Variants in UACA observed in about 807,000 individuals in gnomAD.
UACA encodes the protein nuclear membrane binding protein.
Under a neutral mutation model 160.5 loss-of-function variants are expected in UACA, and 112 were observed. That is an observed-to-expected ratio of 0.70 (90% CI 0.60 to 0.82). The LOEUF is 0.82. UACA is among the 40% of genes least tolerant of loss of function. The pLI is 0.00. For missense variants in UACA, 1,574 were observed against 1,614.6 expected (o/e 0.97, Z 0.43); for synonymous variants, 557 against 568.4 (o/e 0.98, Z 0.29).
At chr15:70,683,631 C>T (rs772825849) in intron 8 of UACA, among the ~76,000 whole-genome samples, 17 of 151,986 alleles carry the variant, frequency 1.1e-4, no homozygotes, top group Non-Finnish European at 2.2e-4. Context: ...GAATCTCATA[C>T]ACCAACAAAA....
chr15:70,714,019 T>C (rs887118257), intron 1 of UACA, among the ~76,000 whole-genome samples: 1 of 152,146 alleles, frequency 6.6e-6, no homozygotes, highest in Non-Finnish European at 1.5e-5. Context: ...CTAAACATCA[T>C]TGATGTTTAG....
chr15:70,664,832 A>T lies in UACA; in HGVS notation c.3961-18T>A. 6.2e-7 allele frequency: 1 copy of T among 1,603,144 alleles called. No individual in the cohort carries two copies. Among genetic ancestry groups the T allele is most frequent in the East Asian group, 2.2e-5 (1 of 44,698 alleles). On this transcript the variant is annotated intron_variant, in intron 16 of 18. Transcript: ENST00000322954. ...TCAGTTATCTTTAAAAAAATGTTGT[A>T]GGAGAAATATATTATTCACTTATCA...
At chr15:70,721,030 G>T (rs577561988) in intron 1 of UACA, among the ~76,000 whole-genome samples, 1 of 152,302 alleles carries the variant, frequency 6.6e-6, no homozygotes, top group African/African-American at 2.4e-5. Context: ...AAGCCTACAT[G>T]TGCCATAATG....
At chr15:70,719,903 T>C (rs1484404532) in intron 1 of UACA, among the ~76,000 whole-genome samples, 1 of 152,230 alleles carries the variant, frequency 6.6e-6, no homozygotes, top group Non-Finnish European at 1.5e-5. Flanking sequence ...ACAATTGTTA[T>C]GTGCTTCCTT....
At chr15:70,708,364 C>T (rs1285776306) in intron 1 of UACA, among the ~76,000 whole-genome samples, 2 of 151,946 alleles carry the variant, frequency 1.3e-5, no homozygotes, top group Non-Finnish European at 2.9e-5. Flanking sequence ...TGTGAACATA[C>T]TTAACACATG....
At chr15:70,772,789 T>G in the UACA span, among the ~76,000 whole-genome samples, 1 of 151,922 alleles carries the variant, frequency 6.6e-6, no homozygotes, top group Non-Finnish European at 1.5e-5. Flanking sequence ...TACTGCAACA[T>G]TTAGAAATCA....
At chr15:70,711,925 C>A (rs1224590690) in intron 1 of UACA, among the ~76,000 whole-genome samples, 4 of 151,870 alleles carry the variant, frequency 2.6e-5, no homozygotes, top group Non-Finnish European at 5.9e-5. Flanking sequence ...TAGGAAACGA[C>A]AAACACAACG....
intron 1 of UACA, 65 bp downstream of exon 1, chr15:70,763,264 GC>G: frequency 1.6e-6 from 2 of 1,284,626 alleles, no homozygotes; most frequent in Non-Finnish European, 2.0e-6. Context: ...GCGCGAACTC[GC>G]CAGCAAAGGA....
At chr15:70,768,846 A>G in the UACA span, among the ~76,000 whole-genome samples, 1 of 152,178 alleles carries the variant, frequency 6.6e-6, no homozygotes, top group Admixed American at 6.5e-5. Context: ...GGCTATCTCT[A>G]TAGATTTTAA....
chr15:70,659,383 CA>C (rs1896599518), intron 18 of UACA, among the ~76,000 whole-genome samples: 1 of 17,990 alleles, frequency 5.6e-5, no homozygotes, highest in African/African-American at 1.4e-4. Context: ...TTCCCTTCTT[CA>C]TTTTTTGTTT....
At chr15:70,689,397 G>A (rs899349932) in intron 5 of UACA, among the ~76,000 whole-genome samples, 2 of 151,976 alleles carry the variant, frequency 1.3e-5, no homozygotes, top group African/African-American at 4.8e-5. Flanking sequence ...TTTTAAAGCA[G>A]GGATAATAAA....
At chr15:70,687,713 C>T (rs1897779303) in intron 6 of UACA, 37 bp downstream of exon 6, 1 of 1,612,732 alleles carries the variant, frequency 6.2e-7, no homozygotes, top group Non-Finnish European at 8.5e-7. Flanking sequence ...AGTTAGAATG[C>T]ATGAGTTGAA....
At chr15:70,660,347 T>C in intron 17 of UACA, 131 bp from the exon 18 acceptor site, 1 of 654,250 alleles carries the variant, frequency 1.5e-6, no homozygotes, top group Non-Finnish European at 2.6e-6. Context: ...AACAACAAAC[T>C]ACCTTGGACC....
intron 8 of UACA, 135 bp from the exon 9 acceptor site, chr15:70,682,930 G>A (rs937071239): frequency 8.4e-6 from 4 of 478,250 alleles, no homozygotes; most frequent in African/African-American, 8.1e-5. Context: ...CAACTTTTTA[G>A]TTTTATTTCT....
At chr15:70,776,360 G>A in the UACA span, among the ~76,000 whole-genome samples, 252 of 151,848 alleles carry the variant, frequency 1.7e-3, no homozygotes, top group Non-Finnish European at 2.8e-3. Flanking sequence ...TGCCTCCAAA[G>A]GACAGAGGTT....
At chr15:70,778,155 C>T in the UACA span, among the ~76,000 whole-genome samples, 1 of 151,286 alleles carries the variant, frequency 6.6e-6, no homozygotes, top group African/African-American at 2.4e-5. Flanking sequence ...GAGCTGTGAT[C>T]GTGCCATTGC....
At chr15:70,765,087 C>A (rs1268538031), upstream of UACA, among the ~76,000 whole-genome samples, 1 of 152,184 alleles carries the variant, frequency 6.6e-6, no homozygotes, top group Non-Finnish European at 1.5e-5. Context: ...AACGTGGACG[C>A]GACCCTGTTC....
At position 70,760,843 on chromosome 15, in the gene UACA, G is replaced by A. The variant is rs934496927; in HGVS notation, c.78+2487C>T. Among the ~76,000 whole-genome samples, 25 of 151,694 alleles carry A rather than the reference G, an allele frequency of 1.6e-4. 2 individuals are homozygous for A. The highest frequency in any genetic ancestry group is 5.3e-4 in the Admixed American group (8 of 15,236). On this transcript the variant is annotated intron_variant, in intron 1 of 18. Coordinates refer to ENST00000322954, the MANE Select transcript of UACA (RefSeq NM_018003.4). ...AAAACAGAAAAAGAAAAATGGAAAG[G>A]ATAAACTGTTCTTACCTATCAGGCT...
chr15:70,717,212 ACT>A (rs1220531792), intron 1 of UACA, among the ~76,000 whole-genome samples: 1 of 152,156 alleles, frequency 6.6e-6, no homozygotes, highest in African/African-American at 2.4e-5. Context: ...CAAGAGCAAA[ACT>A]CTGTCTAAAA....
Sources: allele counts gnomAD v4.1 joint callset (sites outside exome capture counted in the v4.1 genomes callset), GRCh38; gene constraint gnomAD v4.1.1; transcripts MANE v1.5; gene names NCBI Gene and HGNC (gene_info 2026-07-23, HGNC 2026-07-21).